Variants in GLIS1 observed in about 807,000 individuals in gnomAD.
GLIS1 encodes zinc finger protein GLIS1.
GLIS1 carries 24 observed loss-of-function variants against 63.8 expected under a neutral mutation model. That is an observed-to-expected ratio of 0.38 (90% confidence interval 0.27 to 0.53). GLIS1 has a LOEUF of 0.53. Ranked by LOEUF, GLIS1 falls within the 20% of genes least tolerant of loss-of-function variation. The probability of loss-of-function intolerance (pLI) is 0.85; values close to 1 mark genes in which losing one functional copy is unlikely to be tolerated. For missense variants in GLIS1, 1,036 were observed against 1,074.1 expected (o/e 0.96, Z 0.50); for synonymous variants, 450 against 482.5 (o/e 0.93, Z 0.88).
intron 2 of GLIS1, among the ~76,000 whole-genome samples, chr1:53,616,182 C>A (rs1164378912): frequency 1.3e-5 from 2 of 152,156 alleles, no homozygotes; most frequent in East Asian, 3.8e-4. Context: ...CTGCCATTTC[C>A]TGATATGTCC....
Position 53,594,455 on chromosome 1 carries a change from C to T in GLIS1, c.973G>A (p.Ala325Thr), listed in dbSNP as rs766095000. Residue 325 changes from alanine to threonine, a missense_variant, in exon 4 of 11, where the codon GCG becomes ACG. Around this residue, in one of 3 missense-constraint regions of GLIS1, gnomAD observed 592 missense variants for 593.9 expected, o/e 1.00. Coordinates refer to ENST00000628545, the MANE Select transcript of GLIS1 (RefSeq NM_001367484.1). ...CCAAAGAGCTCTGAAAACTCATCCGCGGGTTCCTGCTTCAGGAAGCTCGCC... is the reference window on the plus strand; with the variant it reads ...CCAAAGAGCTCTGAAAACTCATCCGTGGGTTCCTGCTTCAGGAAGCTCGCC... The part of the protein sequence containing the change: ...RKASFLKQEP[A>T]DEFSELFGPH... The T allele has an allele frequency of 9.3e-6, 15 of 1,612,982 alleles. No homozygotes were observed. The highest frequency in any genetic ancestry group is 8.0e-5 in the African/African-American group (6 of 75,080).
intron 2 of GLIS1, among the ~76,000 whole-genome samples, chr1:53,643,986 T>C (rs923253370): frequency 1.3e-5 from 2 of 152,180 alleles, no homozygotes; most frequent in African/African-American, 4.8e-5. Context: ...ATGCCAAGCC[T>C]GGAGTTCTTT....
At position 53,709,947 on chromosome 1, in the gene GLIS1, T is replaced by C. The variant is rs181212003; in HGVS notation, c.259+27859A>G. ...AAAGGGACATGGGAGTCCCCACAGA[T>C]GTACAGGATGGGAGGGGGACACTTG... On this transcript the variant is annotated intron_variant, in intron 2 of 10. Transcript: ENST00000628545. 3.1e-3 allele frequency among the ~76,000 whole-genome samples: 473 copies of C among 152,162 alleles called. 2 individuals carry two copies. The highest frequency in any genetic ancestry group is 0.011 in the African/African-American group (447 of 41,512).
intron 4 of GLIS1, among the ~76,000 whole-genome samples, chr1:53,530,449 AG>A (rs2100333899): frequency 6.6e-6 from 1 of 152,284 alleles, no homozygotes; most frequent in South Asian, 2.1e-4. Flanking sequence ...CCACCACTCA[AG>A]GCTGACATGA....
At chr1:53,644,467 G>A (rs951837575) in intron 2 of GLIS1, among the ~76,000 whole-genome samples, 5 of 152,178 alleles carry the variant, frequency 3.3e-5, no homozygotes, top group African/African-American at 1.2e-4. Flanking sequence ...CTGCCCTCCT[G>A]GAGCTTCCGT....
chr1:53,581,801 G>A (rs918525580), intron 4 of GLIS1, among the ~76,000 whole-genome samples: 1 of 152,070 alleles, frequency 6.6e-6, no homozygotes, highest in Non-Finnish European at 1.5e-5. Context: ...GAGGAGTGTG[G>A]AAGGAACTGG....
chr1:53,686,320 C>A (rs188640099), intron 2 of GLIS1, among the ~76,000 whole-genome samples: 3 of 152,200 alleles, frequency 2.0e-5, no homozygotes, highest in Non-Finnish European at 2.9e-5. Context: ...CAGCTCCACA[C>A]GGCACAATTC....
rs539422881 is a variant in GLIS1 at position 53,678,327 on chromosome 1, GA to G, written c.259+59478del. ...AGGTGGCCTGGGAGTGCAGGAGGGTGAGGGGGGGGGGGTGGGGGGCAGGGGG... is the reference window on the plus strand; with the variant it reads ...AGGTGGCCTGGGAGTGCAGGAGGGTGGGGGGGGGGGGTGGGGGGCAGGGGG... On this transcript the variant is annotated intron_variant, in intron 2 of 10. Coordinates refer to ENST00000628545, the MANE Select transcript of GLIS1 (RefSeq NM_001367484.1). Among the ~76,000 whole-genome samples the G allele has an allele frequency of 2.3e-3, 163 of 71,974 alleles. No homozygotes were observed. The East Asian group carries it at 0.034, about 15-fold the overall frequency. 47.2% of individuals were successfully genotyped at this position (71,974 alleles called of 152,430 possible).
At chr1:53,734,938 T>C (rs746859067) in intron 2 of GLIS1, among the ~76,000 whole-genome samples, 1 of 152,230 alleles carries the variant, frequency 6.6e-6, no homozygotes, top group Non-Finnish European at 1.5e-5. Flanking sequence ...AAACAGATCA[T>C]GATTCTTATT....
At chr1:53,653,976 G>A (rs1645936691) in intron 2 of GLIS1, among the ~76,000 whole-genome samples, 1 of 152,222 alleles carries the variant, frequency 6.6e-6, no homozygotes, top group South Asian at 2.1e-4. Context: ...TTTCACTAAG[G>A]GGTTCCCAGT....
intron 2 of GLIS1, among the ~76,000 whole-genome samples, chr1:53,614,541 G>A (rs527514039): frequency 6.6e-6 from 1 of 152,314 alleles, no homozygotes; most frequent in Admixed American, 6.5e-5. Flanking sequence ...TGTTATTCCA[G>A]TGTGGCAGGA....
At chr1:53,547,562 C>A (rs562478822) in intron 4 of GLIS1, among the ~76,000 whole-genome samples, 23 of 152,376 alleles carry the variant, frequency 1.5e-4, no homozygotes, top group African/African-American at 5.5e-4. Flanking sequence ...CAGGGCTCCC[C>A]CAGCACACCT....
intron 2 of GLIS1, among the ~76,000 whole-genome samples, chr1:53,655,214 A>G (rs1645951536): frequency 6.6e-6 from 1 of 152,132 alleles, no homozygotes; most frequent in Admixed American, 6.5e-5. Context: ...CACCTTACTT[A>G]AAAACCTCCT....
rs772193027 is a variant in GLIS1, at chr1:53,510,001, A to G, written c.1910T>C (p.Ile637Thr). 7.8e-7 allele frequency: 1 copy of G among 1,281,880 alleles called. No individual in the cohort carries two copies. Among genetic ancestry groups the G allele is most frequent in the African/African-American group, 1.5e-5 (1 of 66,016 alleles). The allele number at this position is 1,281,880 out of a possible 1,614,324, so 79.4% of individuals were successfully genotyped here. ...CCCCAGCCCCTTCAGGGGGCTGACT[A>G]TTGGTGAGAGGAGGCCGGGCCCCAA... ...DGLGPGLLSPIVSPLKGLGPP... is the reference protein window; with the variant it reads ...DGLGPGLLSPTVSPLKGLGPP... Residue 637 changes from isoleucine to threonine, a missense_variant, in exon 9 of 11, where the codon ATA becomes ACA. Coordinates refer to ENST00000628545, the MANE Select transcript of GLIS1 (RefSeq NM_001367484.1).
chr1:53,664,607 A>T (rs1376889657), intron 2 of GLIS1, among the ~76,000 whole-genome samples: 1 of 152,250 alleles, frequency 6.6e-6, no homozygotes, highest in Non-Finnish European at 1.5e-5. Flanking sequence ...GATAGAGAGC[A>T]GTGAGCAAAC....
At chr1:53,662,129 G>A (rs975038302) in intron 2 of GLIS1, among the ~76,000 whole-genome samples, 1 of 152,178 alleles carries the variant, frequency 6.6e-6, no homozygotes, top group Non-Finnish European at 1.5e-5. Context: ...CTTAAGTCCA[G>A]GCCTCACAAG....
chr1:53,673,595 C>T (rs932292000), intron 2 of GLIS1, among the ~76,000 whole-genome samples: 2 of 152,254 alleles, frequency 1.3e-5, no homozygotes, highest in Non-Finnish European at 2.9e-5. Context: ...TGGATTTCCT[C>T]CAAACCAGGG....
At chr1:53,528,553 C>G (rs972657297) in intron 5 of GLIS1, among the ~76,000 whole-genome samples, 2 of 152,086 alleles carry the variant, frequency 1.3e-5, no homozygotes, top group Non-Finnish European at 2.9e-5. Flanking sequence ...AGTGTCCCCC[C>G]CAGGGCCTGG....
intron 2 of GLIS1, among the ~76,000 whole-genome samples, chr1:53,732,311 A>AC (rs147788585): frequency 0.033 from 5,042 of 152,174 alleles, 261 homozygotes; most frequent in African/African-American, 0.12. Context: ...TATTCTCTCC[A>AC]CCCCTACCCA....
Sources: gnomAD v4.1 joint callset for allele counts (sites outside exome capture counted in the v4.1 genomes callset) on GRCh38, gnomAD v4.1.1 for gene constraint, gnomAD v4.1.1 regional missense constraint, MANE v1.5 for transcripts, NCBI Gene and HGNC (gene_info 2026-07-23, HGNC 2026-07-21) for gene names.